Variants in PTPRD observed in about 807,000 individuals in gnomAD.
The protein encoded by PTPRD is protein tyrosine phosphatase receptor type D, also known as receptor-type tyrosine-protein phosphatase delta.
In PTPRD, 34 loss-of-function variants were observed where a neutral mutation model predicts 214.5. The ratio of observed to expected loss-of-function variants is 0.16; its 90% CI spans 0.12 to 0.21. PTPRD has a LOEUF of 0.21. Among genes scored for constraint, PTPRD ranks in the 10% least tolerant of loss-of-function variants. PTPRD has a pLI of 1.00. For missense variants in PTPRD, 2,545 were observed against 2,398.7 expected (o/e 1.06, Z -1.27); for synonymous variants, 1,128 against 845.7 (o/e 1.33, Z -5.79).
rs576051291 is a variant in PTPRD at position 10,367,538 on chromosome 9, T to C, written c.-599-26521A>G. On this transcript the variant is annotated intron_variant, in intron 2 of 45. Coordinates refer to ENST00000381196, the MANE Select transcript of PTPRD (RefSeq NM_002839.4). Reference sequence around the variant, plus strand: ...AAAGTTTCACGTCCTGGAAGCCCAATGGGGAAATAAATAACAAGCCAAAAG... The same window carrying C: ...AAAGTTTCACGTCCTGGAAGCCCAACGGGGAAATAAATAACAAGCCAAAAG... 1.4e-4 allele frequency among the ~76,000 whole-genome samples: 22 copies of C among 152,106 alleles called. 1 individual carries two copies. In the South Asian group the frequency reaches 4.4e-3, roughly 30 times the overall value.
chr9:9,702,303 G>A (rs990844975), intron 7 of PTPRD, among the ~76,000 whole-genome samples: 2 of 152,182 alleles, frequency 1.3e-5, no homozygotes, highest in Non-Finnish European at 2.9e-5. Context: ...TACAATTAGA[G>A]AATTGGTAAC....
At chr9:9,733,801 G>A (rs192699855) in intron 7 of PTPRD, among the ~76,000 whole-genome samples, 120 of 152,228 alleles carry the variant, frequency 7.9e-4, no homozygotes, top group African/African-American at 2.8e-3. Flanking sequence ...GAGATAAAAT[G>A]TTTGATAATC....
chr9:9,263,816 A>G (rs1185315874), intron 9 of PTPRD, among the ~76,000 whole-genome samples: 1 of 151,670 alleles, frequency 6.6e-6, no homozygotes, highest in South Asian at 2.1e-4. Context: ...GGAGGGTGGG[A>G]GGTGGATGTG....
chr9:9,892,529 C>T (rs1002280591), intron 5 of PTPRD, among the ~76,000 whole-genome samples: 1 of 152,010 alleles, frequency 6.6e-6, no homozygotes, highest in Non-Finnish European at 1.5e-5. Context: ...ATTGTGGACA[C>T]TTGTAATGAT....
At chr9:8,437,274 T>G in intron 34 of PTPRD, 1 of 1,443,106 alleles carries the variant, frequency 6.9e-7, no homozygotes. Flanking sequence ...TAAAATAAAA[T>G]AGAACAAATT....
rs56038500 is a variant in PTPRD, at chr9:10,118,196, TTATCTATCTATC to T, written c.-544-84418_-544-84407del. 6.6e-3 allele frequency among the ~76,000 whole-genome samples: 988 copies of T among 148,930 alleles called. 11 individuals carry two copies. Among genetic ancestry groups the T allele is most frequent in the African/African-American group, 0.023 (916 of 40,686 alleles). On this transcript the variant is annotated intron_variant, in intron 3 of 45. Coordinates refer to ENST00000381196, the MANE Select transcript of PTPRD (RefSeq NM_002839.4). The stretch of plus-strand genomic sequence containing the variant: ...GGCTGAAGGAAACTTCTCACATTTA[TTATCTATCTATC>T]TATCTATCTATCTATCTATCTATCT...
At chr9:8,907,778 T>C (rs1016436122) in intron 11 of PTPRD, among the ~76,000 whole-genome samples, 7 of 151,798 alleles carry the variant, frequency 4.6e-5, no homozygotes, top group East Asian at 1.9e-4. Context: ...GAATAAAAGA[T>C]TGAAGAGAAA....
At chr9:9,579,305 C>T (rs1031358409) in intron 7 of PTPRD, among the ~76,000 whole-genome samples, 7 of 152,108 alleles carry the variant, frequency 4.6e-5, no homozygotes, top group Non-Finnish European at 8.8e-5. Context: ...ATTTAATCTC[C>T]ATAGCAATCC....
Position 8,492,939 on chromosome 9 carries a change from G to A in PTPRD, c.2390C>T (p.Ser797Phe), listed in dbSNP as rs2136308814. The A allele has an allele frequency of 6.2e-7, 1 of 1,613,818 alleles. No individual in the cohort carries two copies. The highest frequency in any genetic ancestry group is 8.5e-7 in the Non-Finnish European group (1 of 1,179,758). Residue 797 changes from serine to phenylalanine, a missense_variant, in exon 27 of 46, where the codon TCC becomes TTC. Physicochemically the swap from Ser to Phe is radical, Grantham distance 155 (BLOSUM62 -2). Transcript: ENST00000381196. ...ISGLQPETSY[S>F]LTVTAYTTKG... is the part of the protein sequence containing the mutation. ...GGTTGTGTAGGCTGTGACGGTGAGG[G>A]AGTAGGAAGTTTCAGGCTGGAGCCC... is the stretch of plus-strand genomic sequence containing the variant.
At chr9:10,287,957 AT>A (rs1387400525) in intron 3 of PTPRD, among the ~76,000 whole-genome samples, 2 of 152,072 alleles carry the variant, frequency 1.3e-5, no homozygotes, top group African/African-American at 4.8e-5. Flanking sequence ...CATATGTTGC[AT>A]GATTTATGTT....
At chr9:8,387,664 G>A (rs910086058) in intron 37 of PTPRD, among the ~76,000 whole-genome samples, 1 of 152,200 alleles carries the variant, frequency 6.6e-6, no homozygotes, top group African/African-American at 2.4e-5. Flanking sequence ...GAGCCAGACT[G>A]TCTGTCTTCA....
chr9:10,443,341 T>C (rs936369499), intron 2 of PTPRD, among the ~76,000 whole-genome samples: 3 of 151,682 alleles, frequency 2.0e-5, no homozygotes, highest in Non-Finnish European at 4.4e-5. Context: ...CTACATTCAA[T>C]CTATGGTAGT....
chr9:8,343,595 C>T (rs1283122944), intron 39 of PTPRD, among the ~76,000 whole-genome samples: 5 of 151,980 alleles, frequency 3.3e-5, no homozygotes, highest in South Asian at 4.1e-4. Context: ...CCATTCCTAC[C>T]CTCCCAGGTG....
chr9:8,736,018 G>A (rs1021988117), intron 11 of PTPRD, among the ~76,000 whole-genome samples: 3 of 151,702 alleles, frequency 2.0e-5, no homozygotes, highest in Admixed American at 6.6e-5. Flanking sequence ...ACTACAAAAA[G>A]AGCCATTTAA....
intron 11 of PTPRD, among the ~76,000 whole-genome samples, chr9:8,986,859 T>G (rs907369040): frequency 2.0e-5 from 3 of 152,118 alleles, no homozygotes; most frequent in Non-Finnish European, 4.4e-5. Flanking sequence ...GAAGTTTTTT[T>G]TCAGTCATCA....
chr9:8,642,402 T>C (rs1055125691), intron 12 of PTPRD, among the ~76,000 whole-genome samples: 1 of 152,188 alleles, frequency 6.6e-6, no homozygotes, highest in African/African-American at 2.4e-5. Flanking sequence ...ACAATGTACT[T>C]AAAATTTTTA....
intron 12 of PTPRD, chr9:8,713,530 C>A (rs2098391284): frequency 1.6e-6 from 2 of 1,246,674 alleles, no homozygotes; most frequent in Admixed American, 1.7e-5. Flanking sequence ...GTCCCCGCTG[C>A]GGGTGAAGAA....
At chr9:10,266,259 G>C (rs1322153942) in intron 3 of PTPRD, among the ~76,000 whole-genome samples, 1 of 151,186 alleles carries the variant, frequency 6.6e-6, no homozygotes. Flanking sequence ...GGAGTGTTAA[G>C]AATTAAAATA....
chr9:8,440,872 C>T (rs568750856), intron 34 of PTPRD, among the ~76,000 whole-genome samples: 44 of 152,168 alleles, frequency 2.9e-4, no homozygotes, highest in Non-Finnish European at 4.3e-4. Flanking sequence ...TGACTTAGTC[C>T]AGCACTTTCA....
Sources: gnomAD v4.1 joint callset for allele counts (sites outside exome capture counted in the v4.1 genomes callset) on GRCh38, gnomAD v4.1.1 for gene constraint, MANE v1.5 for transcripts, NCBI Gene and HGNC (gene_info 2026-07-23, HGNC 2026-07-21) for gene names.